Variants in BRINP3 observed in about 807,000 individuals in gnomAD.
BRINP3 encodes BMP/retinoic acid-inducible neural-specific protein 3.
In BRINP3, 19 loss-of-function variants were observed where a neutral mutation model predicts 71.0. The ratio of observed to expected loss-of-function variants is 0.27; its 90% CI spans 0.19 to 0.39. The LOEUF is 0.39. Ranked by LOEUF, BRINP3 falls within the 10% of genes least tolerant of loss-of-function variation. The probability of loss-of-function intolerance (pLI) is 1.00; values close to 1 mark genes in which losing one functional copy is unlikely to be tolerated. For synonymous variants in BRINP3, 380 were observed against 337.7 expected (o/e 1.13, Z -1.37); for missense variants, 959 against 940.8 (o/e 1.02, Z -0.25).
intron 7 of BRINP3, among the ~76,000 whole-genome samples, chr1:190,155,821 T>C (rs950398468): frequency 3.9e-5 from 6 of 152,048 alleles, no homozygotes; most frequent in Non-Finnish European, 7.4e-5. Context: ...GCAAGATGTG[T>C]CTTGCTTCCC....
chr1:190,325,600 C>A (rs1342337422), intron 2 of BRINP3, among the ~76,000 whole-genome samples: 1 of 151,970 alleles, frequency 6.6e-6, no homozygotes, highest in Non-Finnish European at 1.5e-5. Flanking sequence ...CAAGGGTTGA[C>A]AGAAAGCCTG....
At chr1:190,156,384 T>A (rs560097848) in intron 7 of BRINP3, among the ~76,000 whole-genome samples, 28 of 152,182 alleles carry the variant, frequency 1.8e-4, no homozygotes, top group African/African-American at 6.5e-4. Flanking sequence ...AAAATATAAT[T>A]TGTAATGAAA....
At chr1:190,103,070 T>A (rs1209601961) in intron 7 of BRINP3, among the ~76,000 whole-genome samples, 3 of 152,126 alleles carry the variant, frequency 2.0e-5, no homozygotes, top group Non-Finnish European at 2.9e-5. Context: ...ATTATACATG[T>A]GTCAAAAGAG....
At chr1:190,213,644 A>G (rs1357116814) in intron 6 of BRINP3, among the ~76,000 whole-genome samples, 1 of 152,010 alleles carries the variant, frequency 6.6e-6, no homozygotes, top group East Asian at 1.9e-4. Context: ...ATCATGAATA[A>G]ATTAATTTGT....
intron 2 of BRINP3, among the ~76,000 whole-genome samples, chr1:190,321,661 A>G (rs1467369186): frequency 6.6e-6 from 1 of 152,118 alleles, no homozygotes; most frequent in African/African-American, 2.4e-5. Flanking sequence ...ACTCATCATC[A>G]TTATTCATTA....
In BRINP3 at chr1:190,203,758, T is replaced by A. The variant is rs1399987792; in HGVS notation, c.961+22324A>T. Among the ~76,000 whole-genome samples, 4 of 818 alleles carry A rather than the reference T, an allele frequency of 4.9e-3. No individual in the cohort carries two copies. The South Asian group carries it at 0.052, about 11-fold the overall frequency. 0.5% of individuals were successfully genotyped at this position (818 alleles called of 152,430 possible). On this transcript the variant is annotated intron_variant, in intron 6 of 7. Transcript: ENST00000367462. The stretch of plus-strand genomic sequence containing the variant: ...AAGATATCACTAAAGAAAATATATA[T>A]ATATATATATATATATATATATATA...
chr1:190,164,707 C>T (rs970569484), intron 6 of BRINP3, among the ~76,000 whole-genome samples: 8 of 151,932 alleles, frequency 5.3e-5, no homozygotes, highest in African/African-American at 1.7e-4. Context: ...TCTCCGGCCT[C>T]GTCCACTCCA....
At chr1:190,223,959 A>C (rs1472374295) in intron 6 of BRINP3, among the ~76,000 whole-genome samples, 1 of 151,848 alleles carries the variant, frequency 6.6e-6, no homozygotes, top group East Asian at 1.9e-4. Context: ...ATATAAGAAA[A>C]ACTATGAAAT....
intron 7 of BRINP3, among the ~76,000 whole-genome samples, chr1:190,106,203 C>A (rs575467813): frequency 1.3e-4 from 20 of 151,752 alleles, no homozygotes; most frequent in African/African-American, 4.8e-4. Flanking sequence ...TACACCAGGT[C>A]ACTGTTATCA....
At chr1:190,380,291 G>A (rs1377837968) in intron 2 of BRINP3, among the ~76,000 whole-genome samples, 6 of 152,206 alleles carry the variant, frequency 3.9e-5, no homozygotes, top group African/African-American at 9.6e-5. Flanking sequence ...ATGATCTGCA[G>A]GCTTTAAAAG....
intron 6 of BRINP3, among the ~76,000 whole-genome samples, chr1:190,204,990 C>CAA (rs35361616): frequency 3.5e-5 from 5 of 142,912 alleles, no homozygotes; most frequent in African/African-American, 1.0e-4. Context: ...TTTCCTTTGG[C>CAA]AAAAAAAAAA....
intron 2 of BRINP3, among the ~76,000 whole-genome samples, chr1:190,338,335 T>C (rs1418971382): frequency 6.6e-6 from 1 of 152,068 alleles, no homozygotes; most frequent in East Asian, 1.9e-4. Flanking sequence ...AAGGACCTTA[T>C]GTCTTGGATA....
chr1:190,206,049 G>T (rs1655469716), intron 6 of BRINP3, among the ~76,000 whole-genome samples: 1 of 152,000 alleles, frequency 6.6e-6, no homozygotes, highest in African/African-American at 2.4e-5. Context: ...TGCTGCTTAG[G>T]TGGAAATCTT....
intron 4 of BRINP3, among the ~76,000 whole-genome samples, chr1:190,236,359 A>G (rs1016120405): frequency 1.3e-5 from 2 of 151,990 alleles, no homozygotes; most frequent in African/African-American, 4.8e-5. Flanking sequence ...AGGAGTGGCA[A>G]CACAGGTTTA....
At chr1:190,455,905 A>T (rs1461802924) in intron 1 of BRINP3, among the ~76,000 whole-genome samples, 1 of 152,188 alleles carries the variant, frequency 6.6e-6, no homozygotes, top group Non-Finnish European at 1.5e-5. Flanking sequence ...TATATGCTAC[A>T]CCAGAAAATT....
chr1:190,162,051 C>T (rs907709722), intron 6 of BRINP3, among the ~76,000 whole-genome samples: 1 of 151,950 alleles, frequency 6.6e-6, no homozygotes, highest in Admixed American at 6.6e-5. Flanking sequence ...AAGGAATAGA[C>T]TTTTATCTGA....
intron 7 of BRINP3, among the ~76,000 whole-genome samples, chr1:190,145,227 T>C (rs947607826): frequency 2.6e-5 from 4 of 152,176 alleles, no homozygotes; most frequent in African/African-American, 9.7e-5. Flanking sequence ...ACATTAAATG[T>C]TTATTTGTCC....
intron 6 of BRINP3, among the ~76,000 whole-genome samples, chr1:190,215,702 T>C (rs923849424): frequency 3.9e-5 from 6 of 151,944 alleles, no homozygotes; most frequent in Non-Finnish European, 7.4e-5. Context: ...GATAGTGTTC[T>C]CTAACAGTTA....
chr1:190,113,085 C>T (rs959442931), intron 7 of BRINP3, among the ~76,000 whole-genome samples: 2 of 151,784 alleles, frequency 1.3e-5, no homozygotes, highest in Non-Finnish European at 2.9e-5. Context: ...ATATGCATAT[C>T]GAATTATATT....
Sources: gnomAD v4.1 joint callset for allele counts (sites outside exome capture counted in the v4.1 genomes callset) on GRCh38, gnomAD v4.1.1 for gene constraint, MANE v1.5 for transcripts, NCBI Gene and HGNC (gene_info 2026-07-23, HGNC 2026-07-21) for gene names.